KSR1: variants seen among roughly 807,000 people sequenced by gnomAD.
KSR1 encodes the protein kinase suppressor of ras.
Under a neutral mutation model 92.9 loss-of-function variants are expected in KSR1, and 35 were observed. The ratio of observed to expected loss-of-function variants is 0.38; its 90% CI spans 0.29 to 0.50. KSR1 has a LOEUF of 0.50. Ranked by LOEUF, KSR1 falls within the 20% of genes least tolerant of loss-of-function variation. KSR1 has a pLI of 0.94. For synonymous variants in KSR1, 467 were observed against 472.6 expected (o/e 0.99, Z 0.15); for missense variants, 972 against 1,158.5 (o/e 0.84, Z 2.34).
chr17:27,496,751 C>T (rs1025133316), intron 1 of KSR1, among the ~76,000 whole-genome samples: 4 of 152,232 alleles, frequency 2.6e-5, no homozygotes, highest in African/African-American at 7.2e-5. Flanking sequence ...TTTGCAGCCA[C>T]CTGCCAAACG....
At chr17:27,472,979 A>G (rs536251503) in intron 1 of KSR1, among the ~76,000 whole-genome samples, 1 of 152,234 alleles carries the variant, frequency 6.6e-6, no homozygotes, top group African/African-American at 2.4e-5. Context: ...TGGCACCATC[A>G]TGGCTCACTG....
rs534273703 is a variant in KSR1 at position 27,577,182 on chromosome 17, C to T, written c.373-310C>T. On this transcript the variant is annotated intron_variant, in intron 2 of 20. Coordinates refer to ENST00000644974, the MANE Select transcript of KSR1 (RefSeq NM_001394583.1). The surrounding 1 kb of genome is among the most constrained non-coding windows in gnomAD (Gnocchi z 4.5). ...GTCATTCTAAAAAGTTGTTATGACT[C>T]GCTGTTTTTTTTCTGTGCAGAGGAG... is the stretch of plus-strand genomic sequence containing the variant. 3.3e-5 allele frequency among the ~76,000 whole-genome samples: 5 copies of T among 152,232 alleles called. No individual in the cohort carries two copies. The highest frequency in any genetic ancestry group is 2.1e-4 in the South Asian group (1 of 4,826).
intron 1 of KSR1, among the ~76,000 whole-genome samples, chr17:27,485,462 CAG>C (rs1428662028): frequency 2.0e-5 from 3 of 152,128 alleles, no homozygotes; most frequent in African/African-American, 7.2e-5. Flanking sequence ...CCTCTGCAGA[CAG>C]AGTAGATTTA....
At chr17:27,568,481 C>T (rs1047232945) in intron 2 of KSR1, among the ~76,000 whole-genome samples, 17 of 152,230 alleles carry the variant, frequency 1.1e-4, no homozygotes, top group African/African-American at 4.1e-4. Flanking sequence ...GGCTGAATTC[C>T]GAGCTCTTGC....
intron 1 of KSR1, among the ~76,000 whole-genome samples, chr17:27,520,649 C>T (rs1192461235): frequency 6.6e-6 from 1 of 152,244 alleles, no homozygotes; most frequent in Non-Finnish European, 1.5e-5. Flanking sequence ...TTCTTCTGCC[C>T]CTTTGTCCGG....
At chr17:27,523,406 G>C (rs2070123083) in intron 1 of KSR1, among the ~76,000 whole-genome samples, 1 of 148,312 alleles carries the variant, frequency 6.7e-6, no homozygotes, top group South Asian at 2.1e-4. Flanking sequence ...AAAAAGGAAA[G>C]ATACCATTTT....
intron 5 of KSR1, chr17:27,587,698 G>C (rs537792940): frequency 1.3e-5 from 2 of 152,424 alleles, no homozygotes; most frequent in Non-Finnish European, 2.9e-5. Context: ...GCGGGCTGCC[G>C]GTGGGTGGAG....
chr17:27,600,313 G>C (rs1255176870), intron 10 of KSR1, among the ~76,000 whole-genome samples: 1 of 151,918 alleles, frequency 6.6e-6, no homozygotes, highest in Non-Finnish European at 1.5e-5. Flanking sequence ...TGGGCTGGGT[G>C]CCTGTAATCC....
In KSR1 at chr17:27,610,199, G is replaced by A; in HGVS notation, c.2357+1G>A. ...AAGCTGCTGATGTCTATGCATTTGG[G>A]TGAGTAGGCCCCTGGTGCCCTGAGG... On this transcript the variant is annotated splice_donor_variant, in intron 17 of 20. Coordinates refer to ENST00000644974, the MANE Select transcript of KSR1 (RefSeq NM_001394583.1). LOFTEE classifies it high-confidence loss of function. 6.2e-7 allele frequency: 1 copy of A among 1,613,886 alleles called. No homozygotes were observed.
chr17:27,582,956 G>T lies in KSR1; in HGVS notation c.831G>T (p.Leu277=), dbSNP rs770152658. 3 of 1,595,274 alleles carry T rather than the reference G, an allele frequency of 1.9e-6. No homozygotes were observed. Among genetic ancestry groups the T allele is most frequent in the Middle Eastern group, 1.7e-4 (1 of 6,004 alleles). ...TCACCCCGCCCACCACACCCCAGCT[G>T]CGACGGCACACCAAGCTGAAGCCAC... ...SFITPPTTPQ[L]RRHTKLKPPR... The change falls in exon 4 of 21, where the codon CTG becomes CTT. Residue 277 remains leucine (L), a synonymous_variant. Transcript: ENST00000644974.
Position 27,623,464 on chromosome 17 carries a change from C to T in KSR1, c.*72C>T, listed in dbSNP as rs141230259. On this transcript the variant is annotated 3_prime_UTR_variant, in exon 21 of 21. Coordinates refer to ENST00000644974, the MANE Select transcript of KSR1 (RefSeq NM_001394583.1). ...GTTTCTGAAACATCCCAACAACCACCACGACAAAAAAACACTGCCTGCCCA... is the reference window on the plus strand; with the variant it reads ...GTTTCTGAAACATCCCAACAACCACTACGACAAAAAAACACTGCCTGCCCA... 6.7e-4 allele frequency: 475 copies of T among 709,182 alleles called. 1 individual carries two copies. In the African/African-American group the frequency reaches 7.1e-3, roughly 11 times the overall value. The allele number at this position is 709,182 out of a possible 1,614,324, so 43.9% of individuals were successfully genotyped here.
chr17:27,585,550 T>A, intron 4 of KSR1, 107 bp from the exon 5 acceptor site: 1 of 716,518 alleles, frequency 1.4e-6, no homozygotes, highest in Non-Finnish European at 2.6e-6. Flanking sequence ...GGCCTCAGAG[T>A]CCTACGTCCC....
At chr17:27,555,798 C>G (rs1413631253) in intron 2 of KSR1, among the ~76,000 whole-genome samples, 1 of 152,194 alleles carries the variant, frequency 6.6e-6, no homozygotes, top group Non-Finnish European at 1.5e-5. Context: ...TTGTGACTGT[C>G]ACCACTGGAA....
At chr17:27,495,556 G>C (rs1199788112) in intron 1 of KSR1, among the ~76,000 whole-genome samples, 1 of 152,184 alleles carries the variant, frequency 6.6e-6, no homozygotes, top group Non-Finnish European at 1.5e-5. Context: ...GGCGACAGGA[G>C]GGAGGCTTGG....
At chr17:27,468,324 C>G (rs1174751179) in intron 1 of KSR1, among the ~76,000 whole-genome samples, 1 of 151,854 alleles carries the variant, frequency 6.6e-6, no homozygotes, top group Non-Finnish European at 1.5e-5. Flanking sequence ...CAACCTCTGC[C>G]TCCCGGGCTC....
At chr17:27,601,072 G>T (rs1412303543) in intron 10 of KSR1, among the ~76,000 whole-genome samples, 2 of 152,188 alleles carry the variant, frequency 1.3e-5, no homozygotes, top group Non-Finnish European at 2.9e-5. Context: ...GCCCTTCTGG[G>T]CTCACATGCA....
chr17:27,601,366 A>T lies in KSR1; in HGVS notation c.1475A>T (p.Tyr492Phe). 1 of 1,613,392 alleles carries T rather than the reference A, an allele frequency of 6.2e-7. No homozygotes were observed. Among genetic ancestry groups the T allele is most frequent in the Non-Finnish European group, 8.5e-7 (1 of 1,179,436 alleles). Reference sequence around the variant, plus strand: ...CCTCCTCTTCTGTTTAAAGCTGCCTACTTCATTCATCATAGACAGCAGTTT... The same window carrying T: ...CCTCCTCTTCTGTTTAAAGCTGCCTTCTTCATTCATCATAGACAGCAGTTT... ...RDSRFNFPAA[Y>F]FIHHRQQFIF... is the part of the protein sequence containing the mutation. Residue 492 changes from tyrosine to phenylalanine, a missense_variant, in exon 11 of 21, where the codon TAC becomes TTC. By Grantham distance (22) the Tyr-to-Phe change is conservative (BLOSUM62 3). Around this residue, in one of 5 missense-constraint regions of KSR1, gnomAD observed 611 missense variants for 668.0 expected, o/e 0.91. Coordinates refer to ENST00000644974, the MANE Select transcript of KSR1 (RefSeq NM_001394583.1).
At chr17:27,588,660 G>A (rs907951921) in intron 6 of KSR1, 125 bp downstream of exon 6, 1 of 832,362 alleles carries the variant, frequency 1.2e-6, no homozygotes, top group Admixed American at 2.9e-5. Flanking sequence ...CATTTCACCT[G>A]TGGGACATGG....
chr17:27,607,841 A>G (rs1330496609), intron 14 of KSR1, 73 bp from the exon 15 acceptor site: 7 of 1,107,886 alleles, frequency 6.3e-6, no homozygotes, highest in Non-Finnish European at 9.4e-6. Context: ...AGTTCTCCCC[A>G]TGGGCTCCAC....
Sources: allele counts gnomAD v4.1 joint callset (sites outside exome capture counted in the v4.1 genomes callset), GRCh38; gene constraint gnomAD v4.1.1; regional missense constraint gnomAD v4.1.1; non-coding constraint Gnocchi (gnomAD v3.1); transcripts MANE v1.5; gene names NCBI Gene and HGNC (gene_info 2026-07-23, HGNC 2026-07-21).